The following EPHA6 variants were observed in gnomAD, a reference collection of about 807,000 sequenced individuals.
The protein encoded by EPHA6 is EPH receptor A6.
EPHA6 carries 50 observed loss-of-function variants against 112.0 expected under a neutral mutation model. That is an observed-to-expected ratio of 0.45 (90% confidence interval 0.36 to 0.56). The LOEUF is 0.56. Ranked by LOEUF, EPHA6 falls within the 20% of genes least tolerant of loss-of-function variation. EPHA6 has a pLI of 0.00. For missense variants in EPHA6, 1,280 were observed against 1,417.4 expected, an observed-to-expected ratio of 0.90 and a Z score of 1.56; for synonymous variants, 529 against 490.7, an observed-to-expected ratio of 1.08 and a Z score of -1.03.
chr3:97,228,539 GTATA>G lies in EPHA6; in HGVS notation c.1270+2135_1270+2138del, dbSNP rs112022130. On this transcript the variant is annotated intron_variant, in intron 4 of 17. Coordinates refer to ENST00000389672, the MANE Select transcript of EPHA6 (RefSeq NM_001080448.3). ...CATTCTATGGTGTGTGTGTGTGTGT[GTATA>G]TATATATATATATAATGTAAATGTC... is the stretch of plus-strand genomic sequence containing the variant. 2.3e-3 allele frequency among the ~76,000 whole-genome samples: 331 copies of G among 145,998 alleles called. 1 individual carries two copies. The highest frequency in any genetic ancestry group is 7.6e-3 in the African/African-American group (303 of 39,946).
intron 3 of EPHA6, among the ~76,000 whole-genome samples, chr3:97,060,716 C>T (rs890298101): frequency 6.6e-6 from 1 of 151,698 alleles, no homozygotes; most frequent in Non-Finnish European, 1.5e-5. Flanking sequence ...TCGAGACCAT[C>T]CTGGCTAACA....
intron 10 of EPHA6, among the ~76,000 whole-genome samples, chr3:97,497,485 C>A (rs780839485): frequency 3.9e-5 from 6 of 152,040 alleles, no homozygotes; most frequent in Non-Finnish European, 8.8e-5. Flanking sequence ...CTCTCCTTCC[C>A]TCTCACCCTG....
intron 4 of EPHA6, among the ~76,000 whole-genome samples, chr3:97,241,758 T>G (rs2078853064): frequency 6.7e-6 from 1 of 148,654 alleles, no homozygotes; most frequent in African/African-American, 2.5e-5. Flanking sequence ...CCTTCTTGTT[T>G]TTTTTTTTTT....
intron 2 of EPHA6, among the ~76,000 whole-genome samples, chr3:96,948,498 A>G (rs1364312171): frequency 6.6e-6 from 1 of 152,202 alleles, no homozygotes; most frequent in Non-Finnish European, 1.5e-5. Flanking sequence ...GGAATATTAG[A>G]TATGTTTTTG....
intron 2 of EPHA6, among the ~76,000 whole-genome samples, chr3:96,983,902 AT>A (rs1486530080): frequency 6.6e-6 from 1 of 152,134 alleles, no homozygotes; most frequent in Non-Finnish European, 1.5e-5. Context: ...TTTCCACTCC[AT>A]CAGGTCATTC....
intron 6 of EPHA6, among the ~76,000 whole-genome samples, chr3:97,427,165 T>A (rs189494430): frequency 4.6e-4 from 70 of 152,270 alleles, no homozygotes; most frequent in South Asian, 1.0e-3. Flanking sequence ...ACAACTACCA[T>A]TTGACCCAAC....
chr3:97,375,842 TATG>T (rs1261001387), intron 5 of EPHA6, among the ~76,000 whole-genome samples: 1 of 152,138 alleles, frequency 6.6e-6, no homozygotes, highest in Non-Finnish European at 1.5e-5. Context: ...CTACACACTC[TATG>T]ATTCATTTAT....
intron 1 of EPHA6, among the ~76,000 whole-genome samples, chr3:96,824,488 T>C (rs567247765): frequency 1.4e-4 from 22 of 152,004 alleles, no homozygotes; most frequent in African/African-American, 5.1e-4. Context: ...AATATACATT[T>C]TTTCTGGAAT....
chr3:97,600,719 G>A (rs912235669), intron 12 of EPHA6, among the ~76,000 whole-genome samples: 4 of 151,528 alleles, frequency 2.6e-5, no homozygotes, highest in Non-Finnish European at 5.9e-5. Context: ...AGAACCCCTG[G>A]TTCTAAAGAA....
At chr3:97,471,961 C>T (rs550618128) in intron 7 of EPHA6, among the ~76,000 whole-genome samples, 5 of 151,850 alleles carry the variant, frequency 3.3e-5, no homozygotes, top group African/African-American at 9.6e-5. Context: ...CTTCTGGTGT[C>T]TTATTCTTTG....
chr3:97,230,165 A>G (rs2078483072), intron 4 of EPHA6, among the ~76,000 whole-genome samples: 1 of 152,152 alleles, frequency 6.6e-6, no homozygotes, highest in Non-Finnish European at 1.5e-5. Context: ...AGAGGAAAAT[A>G]TCTTTTTATT....
chr3:97,284,897 C>T (rs1298317912), intron 5 of EPHA6, among the ~76,000 whole-genome samples: 1 of 152,010 alleles, frequency 6.6e-6, no homozygotes, highest in African/African-American at 2.4e-5. Flanking sequence ...TTATTTAGTT[C>T]TAGAGGGATA....
intron 3 of EPHA6, among the ~76,000 whole-genome samples, chr3:97,026,671 C>G (rs1326680044): frequency 6.6e-6 from 1 of 151,878 alleles, no homozygotes. Flanking sequence ...ATACATGTGG[C>G]CAATAGAAAG....
At chr3:97,328,170 A>G (rs1235198490) in intron 5 of EPHA6, among the ~76,000 whole-genome samples, 2 of 151,220 alleles carry the variant, frequency 1.3e-5, no homozygotes, top group Non-Finnish European at 1.5e-5. Context: ...ACATTTATAC[A>G]CAGGTTTTTG....
chr3:97,210,452 C>T (rs1285587208), intron 3 of EPHA6, among the ~76,000 whole-genome samples: 1 of 152,128 alleles, frequency 6.6e-6, no homozygotes, highest in Non-Finnish European at 1.5e-5. Flanking sequence ...CACCAGGCCC[C>T]TACCTTGACA....
In EPHA6 at chr3:97,757,500, A is replaced by G. The variant is rs2036054019; in HGVS notation, c.*8799A>G. Among the ~76,000 whole-genome samples the G allele has an allele frequency of 6.6e-6, 1 of 151,712 alleles. No individual in the cohort carries two copies. The highest frequency in any genetic ancestry group is 1.9e-4 in the East Asian group (1 of 5,196). On this transcript the variant is annotated 3_prime_UTR_variant, in exon 18 of 18. Coordinates refer to ENST00000389672, the MANE Select transcript of EPHA6 (RefSeq NM_001080448.3). ...AATTTGCCAAAAAATTCAAATAATAATACATTGAATATTGGACTGCCATAG... is the reference window on the plus strand; with the variant it reads ...AATTTGCCAAAAAATTCAAATAATAGTACATTGAATATTGGACTGCCATAG...
intron 7 of EPHA6, among the ~76,000 whole-genome samples, chr3:97,452,702 G>A (rs2090566292): frequency 6.6e-6 from 1 of 151,534 alleles, no homozygotes; most frequent in Non-Finnish European, 1.5e-5. Flanking sequence ...TTAGAAGCTA[G>A]TAAAAATTTT....
At chr3:97,722,164 A>G (rs952768559) in intron 15 of EPHA6, among the ~76,000 whole-genome samples, 4 of 152,218 alleles carry the variant, frequency 2.6e-5, no homozygotes, top group Non-Finnish European at 5.9e-5. Context: ...GACTTAAATC[A>G]GAGGGCCCAA....
At chr3:96,908,248 C>T (rs2039038583) in intron 2 of EPHA6, among the ~76,000 whole-genome samples, 2 of 151,920 alleles carry the variant, frequency 1.3e-5, no homozygotes, top group Non-Finnish European at 2.9e-5. Context: ...AAACATTATG[C>T]GGAGCATGAC....
Sources: gnomAD v4.1 joint callset for allele counts (sites outside exome capture counted in the v4.1 genomes callset) on GRCh38, gnomAD v4.1.1 for gene constraint, MANE v1.5 for transcripts, NCBI Gene and HGNC (gene_info 2026-07-23, HGNC 2026-07-21) for gene names.